The following KIAA2012 variants were observed in gnomAD, a reference collection of about 807,000 sequenced individuals.
KIAA2012 encodes the protein KIAA2012, also known as uncharacterized protein KIAA2012.
KIAA2012 carries 125 observed loss-of-function variants against 150.6 expected under a neutral mutation model. The observed-to-expected ratio is 0.83, with a 90% CI of 0.72 to 0.96. KIAA2012 has a LOEUF of 0.96. Among genes scored for constraint, KIAA2012 ranks in the 40% least tolerant of loss-of-function variants. The pLI is 0.00. For missense variants in KIAA2012, 1,219 were observed against 1,354.9 expected (o/e 0.90, Z 1.57); for synonymous variants, 462 against 504.7 (o/e 0.92, Z 1.13).
intron 22 of KIAA2012, among the ~76,000 whole-genome samples, chr2:202,199,581 C>T (rs184393746): frequency 4.9e-4 from 74 of 152,232 alleles, no homozygotes; most frequent in African/African-American, 1.7e-3. Context: ...GAACAGTCAA[C>T]GGTACAAACA....
chr2:202,150,250 G>A (rs1225932884), intron 13 of KIAA2012, among the ~76,000 whole-genome samples: 9 of 152,106 alleles, frequency 5.9e-5, no homozygotes, highest in Non-Finnish European at 1.2e-4. Context: ...AAATTAACTC[G>A]TTAATCTTTA....
chr2:202,147,189 C>A (rs1305726499), intron 13 of KIAA2012, among the ~76,000 whole-genome samples: 1 of 152,264 alleles, frequency 6.6e-6, no homozygotes, highest in Admixed American at 6.5e-5. Context: ...CCAATTCAAG[C>A]ATCCCTCTCT....
At position 202,115,968 on chromosome 2, in the gene KIAA2012, T is replaced by G. The variant is rs1246435479; in HGVS notation, c.1762+2522T>G. 36 of 151,796 alleles carry G rather than the reference T, an allele frequency of 2.4e-4. 2 individuals are homozygous for G. The highest frequency in any genetic ancestry group is 2.4e-3 in the Admixed American group (36 of 15,256). The allele number at this position is 151,796 out of a possible 1,614,324, so 9.4% of individuals were successfully genotyped here. On this transcript the variant is annotated intron_variant, in intron 11 of 23. Coordinates refer to ENST00000498697, the MANE Select transcript of KIAA2012 (RefSeq NM_001277372.4). The stretch of plus-strand genomic sequence containing the variant: ...TGGAATTTGACCCTTTTGGTCATGT[T>G]GGGATATTGAACATTTAGAAAATTG...
chr2:202,188,471 C>G (rs144992639), intron 18 of KIAA2012, among the ~76,000 whole-genome samples: 74 of 152,216 alleles, frequency 4.9e-4, no homozygotes, highest in African/African-American at 1.7e-3. Flanking sequence ...GCCTAGAGGC[C>G]TGTGATCACC....
intron 13 of KIAA2012, among the ~76,000 whole-genome samples, chr2:202,141,397 GA>G (rs34101101): frequency 6.6e-6 from 1 of 152,048 alleles, no homozygotes; most frequent in African/African-American, 2.4e-5. Flanking sequence ...GCAGGGGTAA[GA>G]AAACTACAAG....
At chr2:202,077,989 C>A (rs1157205852) in intron 2 of KIAA2012, among the ~76,000 whole-genome samples, 2 of 152,178 alleles carry the variant, frequency 1.3e-5, no homozygotes, top group East Asian at 1.9e-4. Flanking sequence ...GTTAGGAGCA[C>A]AAATTCACAT....
chr2:202,161,791 G>A (rs56320960), intron 14 of KIAA2012, among the ~76,000 whole-genome samples: 6,845 of 151,858 alleles, frequency 0.045, 530 homozygotes, highest in African/African-American at 0.16. Context: ...TTGTGCCCCC[G>A]GTGCCTATCT....
chr2:202,197,154 G>A, intron 22 of KIAA2012, 135 bp downstream of exon 22: 1 of 1,294,260 alleles, frequency 7.7e-7, no homozygotes, highest in South Asian at 1.5e-5. Context: ...AAGACTGAAA[G>A]GCATAGAGGG....
intron 4 of KIAA2012, among the ~76,000 whole-genome samples, chr2:202,096,626 T>C (rs1052714111): frequency 6.6e-6 from 1 of 152,018 alleles, no homozygotes; most frequent in Non-Finnish European, 1.5e-5. Flanking sequence ...CTCGCAGAAG[T>C]CTTGTGATCC....
chr2:202,079,668 A>C (rs779363682), intron 2 of KIAA2012, among the ~76,000 whole-genome samples: 59 of 152,212 alleles, frequency 3.9e-4, no homozygotes, highest in Non-Finnish European at 1.8e-4. Flanking sequence ...AGAGGTCAGC[A>C]TTCTTAGACT....
intron 15 of KIAA2012, among the ~76,000 whole-genome samples, chr2:202,172,689 T>G (rs1691918967): frequency 6.6e-6 from 1 of 152,206 alleles, no homozygotes; most frequent in South Asian, 2.1e-4. Context: ...GTGTAATGAT[T>G]GCCTGACCTG....
At chr2:202,123,762 G>A (rs918264112) in intron 11 of KIAA2012, among the ~76,000 whole-genome samples, 5 of 152,054 alleles carry the variant, frequency 3.3e-5, no homozygotes, top group South Asian at 2.1e-4. Context: ...AGTCTTTTCC[G>A]GTTTGAATTT....
At chr2:202,148,838 C>G (rs1474033638) in intron 13 of KIAA2012, among the ~76,000 whole-genome samples, 3 of 152,150 alleles carry the variant, frequency 2.0e-5, no homozygotes, top group Non-Finnish European at 4.4e-5. Flanking sequence ...AGAGTGCCCT[C>G]CAAGTCAGCC....
chr2:202,074,949 A>C lies in KIAA2012; in HGVS notation c.143A>C (p.Lys48Thr), dbSNP rs1402985417. ...DYVPVSKPQD[K>T]NNASQHSWSL... Reference sequence around the variant, plus strand: ...GTTCCTGTCAGCAAACCTCAAGATAAGAACAATGCCAGTCAGCACTCCTGG... The same window carrying C: ...GTTCCTGTCAGCAAACCTCAAGATACGAACAATGCCAGTCAGCACTCCTGG... Residue 48 changes from lysine to threonine, a missense_variant, in exon 2 of 24, where the codon AAG (lysine) becomes ACG (threonine). Physicochemically the swap from Lys to Thr is moderately conservative, Grantham distance 78. Transcript: ENST00000498697. The C allele has an allele frequency of 6.4e-7, 1 of 1,550,946 alleles. No homozygotes were observed. The highest frequency in any genetic ancestry group is 1.4e-5 in the African/African-American group (1 of 73,052).
rs59488285 is a variant in KIAA2012 at position 202,143,075 on chromosome 2, ATTTTTTTT to A, written c.1908+4581_1908+4588del. On this transcript the variant is annotated intron_variant, in intron 13 of 23. Transcript: ENST00000498697. ...CCTCCAATTGACAACCACTGGTTTA[ATTTTTTTT>A]TTTTTTTTTTTTTCTTTTTGAGATA... Among the ~76,000 whole-genome samples the A allele has an allele frequency of 2.4e-5, 3 of 124,986 alleles. No homozygotes were observed. In the East Asian group the frequency reaches 6.7e-4, roughly 28 times the overall value. 82.0% of individuals were successfully genotyped at this position (124,986 alleles called of 152,430 possible). A position where few individuals can be genotyped will look rare whatever the true frequency, so the allele number is the denominator to read the frequency against.
At chr2:202,084,473 A>T (rs183036260) in intron 2 of KIAA2012, among the ~76,000 whole-genome samples, 5 of 152,282 alleles carry the variant, frequency 3.3e-5, no homozygotes, top group Admixed American at 3.3e-4. Flanking sequence ...TAAAGGAAGC[A>T]CTCATGGTGG....
chr2:202,120,932 G>A (rs1690639718), intron 11 of KIAA2012, among the ~76,000 whole-genome samples: 1 of 152,174 alleles, frequency 6.6e-6, no homozygotes, highest in African/African-American at 2.4e-5. Flanking sequence ...CTGGATTTTA[G>A]CTGAACACAT....
chr2:202,122,126 C>G (rs1690667904), intron 11 of KIAA2012, among the ~76,000 whole-genome samples: 1 of 152,176 alleles, frequency 6.6e-6, no homozygotes, highest in Non-Finnish European at 1.5e-5. Context: ...AAAGGCAGAC[C>G]AGGGCCAGAC....
chr2:202,163,094 C>T (rs1691690904), intron 14 of KIAA2012, among the ~76,000 whole-genome samples: 2 of 138,592 alleles, frequency 1.4e-5, no homozygotes, highest in African/African-American at 5.4e-5. Flanking sequence ...AGTTATTTCA[C>T]ATGTATATTC....
Sources: allele counts gnomAD v4.1 joint callset (sites outside exome capture counted in the v4.1 genomes callset), GRCh38; gene constraint gnomAD v4.1.1; transcripts MANE v1.5; gene names NCBI Gene and HGNC (gene_info 2026-07-23, HGNC 2026-07-21).